LPIN1: variants seen among roughly 807,000 people sequenced by gnomAD.
The protein encoded by LPIN1 is phosphatidate phosphatase LPIN1.
A neutral mutation model predicts 107.5 loss-of-function variants in LPIN1; 71 were observed. The ratio of observed to expected loss-of-function variants is 0.66; its 90% CI spans 0.55 to 0.80. LPIN1 has a LOEUF of 0.80. Ranked by LOEUF, LPIN1 falls within the 30% of genes least tolerant of loss-of-function variation. The pLI, the probability that LPIN1 is intolerant of heterozygous loss-of-function variation, is 0.00. For missense variants in LPIN1, 1,043 were observed against 1,160.6 expected (o/e 0.90, Z 1.47); for synonymous variants, 445 against 452.6 (o/e 0.98, Z 0.21).
At chr2:11,752,098 G>GT (rs1257081483) in intron 1 of LPIN1, among the ~76,000 whole-genome samples, 1 of 152,132 alleles carries the variant, frequency 6.6e-6, no homozygotes, top group African/African-American at 2.4e-5. Context: ...TACAGTTACT[G>GT]TTTTTGTACA....
chr2:11,779,948 T>G (rs1303556206), intron 7 of LPIN1, among the ~76,000 whole-genome samples: 1 of 152,086 alleles, frequency 6.6e-6, no homozygotes, highest in Non-Finnish European at 1.5e-5. Context: ...TGGCTCTATC[T>G]TGGCTCACTG....
chr2:11,683,353 T>G (rs1661825969), intron 1 of LPIN1: 1 of 152,240 alleles, frequency 6.6e-6, no homozygotes. Flanking sequence ...TTTTGTCTTC[T>G]GATATTTAAA....
chr2:11,803,046 T>TGCTTGGCGCG lies in LPIN1; in HGVS notation c.2013+17_2013+26dup, dbSNP rs1558268999. The stretch of plus-strand genomic sequence containing the variant: ...TTCCGAGCAGCTTGTGAGTCTCCCA[T>TGCTTGGCGCG]GCTTGGCGCGGCTGTGTTGTGAGCA... On this transcript the variant is annotated intron_variant, in intron 15 of 20. Transcript: ENST00000674199. This position sits in a 1 kb window ranked among gnomAD's most constrained non-coding sequence, Gnocchi z 4.2. 6.2e-7 allele frequency: 1 copy of TGCTTGGCGCG among 1,612,084 alleles called. No individual in the cohort carries two copies. The highest frequency in any genetic ancestry group is 8.5e-7 in the Non-Finnish European group (1 of 1,180,018).
At chr2:11,688,506 C>T (rs1476881273) in intron 1 of LPIN1, among the ~76,000 whole-genome samples, 4 of 152,196 alleles carry the variant, frequency 2.6e-5, no homozygotes, top group Non-Finnish European at 5.9e-5. Context: ...CAGGCCCCGC[C>T]TGTTCCTCAT....
chr2:11,791,695 A>G, intron 12 of LPIN1: 1 of 1,387,090 alleles, frequency 7.2e-7, no homozygotes, highest in Non-Finnish European at 9.5e-7. Flanking sequence ...TATTCCTTTA[A>G]CATCTTCTTA....
intron 17 of LPIN1, among the ~76,000 whole-genome samples, chr2:11,807,606 C>G (rs1678932869): frequency 6.6e-6 from 1 of 151,872 alleles, no homozygotes; most frequent in African/African-American, 2.4e-5. Context: ...CTGAAGAACC[C>G]CTGACCATTC....
intron 2 of LPIN1, among the ~76,000 whole-genome samples, chr2:11,718,938 T>C (rs1431269023): frequency 6.6e-6 from 1 of 152,232 alleles, no homozygotes; most frequent in Non-Finnish European, 1.5e-5. Context: ...AAGGAGTGGT[T>C]CTCTATCTCT....
chr2:11,737,685 G>A (rs1572480866), intron 1 of LPIN1, among the ~76,000 whole-genome samples: 1 of 152,228 alleles, frequency 6.6e-6, no homozygotes, highest in East Asian at 1.9e-4. Context: ...ACCACAATGA[G>A]ATACCATCTC....
At chr2:11,686,682 T>C (rs545404521) in intron 1 of LPIN1, among the ~76,000 whole-genome samples, 2 of 152,248 alleles carry the variant, frequency 1.3e-5, no homozygotes, top group East Asian at 3.9e-4. Context: ...AGCAACGAGA[T>C]GCCTGTGGCT....
rs1415096352 is a variant in LPIN1 at position 11,697,373 on chromosome 2, G to A, written c.82-16383G>A. On this transcript the variant is annotated intron_variant, in intron 1 of 21. Transcript: ENST00000449576. The surrounding 1 kb of genome is among the most constrained non-coding windows in gnomAD (Gnocchi z 4.6). ...GAACAGCAAGCAAGCAGCTCCTGGT[G>A]GCCTGTGGCCAGTGCAGGAGGAACA... Among the ~76,000 whole-genome samples, 2 of 152,226 alleles carry A rather than the reference G, an allele frequency of 1.3e-5. No individual in the cohort carries two copies. The highest frequency in any genetic ancestry group is 2.4e-5 in the African/African-American group (1 of 41,466).
intron 1 of LPIN1, among the ~76,000 whole-genome samples, chr2:11,732,907 C>CTGTG (rs753216186): frequency 0.035 from 5,243 of 150,610 alleles, 176 homozygotes; most frequent in African/African-American, 0.088. Flanking sequence ...CTCTCTCTCT[C>CTGTG]TCTCTGTGTG....
intron 6 of LPIN1, among the ~76,000 whole-genome samples, chr2:11,779,234 C>A (rs1481503132): frequency 6.6e-6 from 1 of 152,156 alleles, no homozygotes; most frequent in Non-Finnish European, 1.5e-5. Context: ...TTTTCCCTTT[C>A]TCTTTCCATC....
chr2:11,823,487 C>T (rs1320123771), intron 20 of LPIN1, among the ~76,000 whole-genome samples: 1 of 152,248 alleles, frequency 6.6e-6, no homozygotes, highest in Non-Finnish European at 1.5e-5. Flanking sequence ...CACTGTTTCT[C>T]ATAAGTCCTT....
At chr2:11,807,753 C>T (rs1035352820) in intron 17 of LPIN1, among the ~76,000 whole-genome samples, 4 of 152,100 alleles carry the variant, frequency 2.6e-5, no homozygotes, top group Non-Finnish European at 5.9e-5. Flanking sequence ...GTCCGCGCAC[C>T]CAGTCAGGCC....
At chr2:11,684,953 CCCT>C (rs10565231) in intron 1 of LPIN1, among the ~76,000 whole-genome samples, 83,861 of 151,516 alleles carry the variant, frequency 0.55, 24,073 homozygotes, top group Admixed American at 0.63. Context: ...AAACATCCTG[CCCT>C]CCTGGAGCTT....
intron 17 of LPIN1, among the ~76,000 whole-genome samples, chr2:11,806,971 TGTC>T (rs752285209): frequency 6.6e-6 from 1 of 152,242 alleles, no homozygotes; most frequent in Non-Finnish European, 1.5e-5. Flanking sequence ...GGCAGAATCC[TGTC>T]GTCTAGATAC....
chr2:11,774,239 T>G lies in LPIN1; in HGVS notation c.722+494T>G, dbSNP rs1283557743. On this transcript the variant is annotated intron_variant, in intron 5 of 20. Transcript: ENST00000674199. This position sits in a 1 kb window ranked among gnomAD's most constrained non-coding sequence, Gnocchi z 4.4. ...GGAAAACTTGGAGAACTAGAGCTGC[T>G]CACTGTGCAGATGCCATCCTGATGA... Among the ~76,000 whole-genome samples, 1 of 152,220 alleles carries G rather than the reference T, an allele frequency of 6.6e-6. No individual in the cohort carries two copies. Among genetic ancestry groups the G allele is most frequent in the Non-Finnish European group, 1.5e-5 (1 of 68,032 alleles).
At chr2:11,801,929 A>G (rs1187984618) in intron 14 of LPIN1, among the ~76,000 whole-genome samples, 1 of 152,154 alleles carries the variant, frequency 6.6e-6, no homozygotes, top group Non-Finnish European at 1.5e-5. Context: ...GAAAAATAAA[A>G]AATACGAAAG....
At chr2:11,700,658 C>G (rs895684500) in intron 1 of LPIN1, among the ~76,000 whole-genome samples, 2 of 152,210 alleles carry the variant, frequency 1.3e-5, no homozygotes, top group African/African-American at 4.8e-5. Flanking sequence ...CACTTGGCCA[C>G]TTCCACAGTG....
Sources: gnomAD v4.1 joint callset for allele counts (sites outside exome capture counted in the v4.1 genomes callset) on GRCh38, gnomAD v4.1.1 for gene constraint, Gnocchi (gnomAD v3.1) non-coding constraint, MANE v1.5 for transcripts, NCBI Gene and HGNC (gene_info 2026-07-23, HGNC 2026-07-21) for gene names.